The following SEM1 variants were observed in gnomAD, a reference collection of about 807,000 sequenced individuals.
SEM1 encodes the protein 26S proteasome complex subunit SEM1.
SEM1 carries 3 observed loss-of-function variants against 12.7 expected under a neutral mutation model. That is an observed-to-expected ratio of 0.24 (90% CI 0.11 to 0.61). SEM1 has a LOEUF of 0.61. Among genes scored for constraint, SEM1 ranks in the 20% least tolerant of loss-of-function variants. The pLI, the probability that SEM1 is intolerant of heterozygous loss-of-function variation, is 0.88. For missense variants in SEM1, 59 were observed against 81.3 expected (o/e 0.73, Z 1.06); for synonymous variants, 30 against 27.8 (o/e 1.08, Z -0.25).
At chr7:96,664,570 C>T (rs912658761) in intron 2 of SEM1, among the ~76,000 whole-genome samples, 1 of 152,212 alleles carries the variant, frequency 6.6e-6, no homozygotes, top group Non-Finnish European at 1.5e-5. Context: ...TCCAGGATAA[C>T]CTCCTTCTCT....
intron 2 of SEM1, among the ~76,000 whole-genome samples, chr7:96,536,221 C>T (rs1804782105): frequency 6.6e-6 from 1 of 151,772 alleles, no homozygotes; most frequent in African/African-American, 2.4e-5. Context: ...TTTCTAAATA[C>T]TTGGGGAATG....
chr7:96,499,123 T>C (rs1271144436), upstream of SEM1, among the ~76,000 whole-genome samples: 1 of 152,176 alleles, frequency 6.6e-6, no homozygotes, highest in Non-Finnish European at 1.5e-5. Flanking sequence ...ACTTAAATAA[T>C]GGGTTTATCC....
chr7:96,527,169 T>G (rs1804492316), intron 2 of SEM1, among the ~76,000 whole-genome samples: 1 of 151,696 alleles, frequency 6.6e-6, no homozygotes, highest in African/African-American at 2.4e-5. Context: ...AAACATGCAA[T>G]GAAGTGAAAT....
intron 2 of SEM1, among the ~76,000 whole-genome samples, chr7:96,587,653 GT>G (rs35341659): frequency 1.6e-4 from 21 of 134,294 alleles, no homozygotes; most frequent in East Asian, 6.2e-4. Flanking sequence ...AGACTTTCTT[GT>G]TTTTTTTTTT....
chr7:96,502,539 C>CCCA (rs1455020845), intron 3 of SEM1, among the ~76,000 whole-genome samples: 5 of 152,092 alleles, frequency 3.3e-5, no homozygotes. Context: ...GGTAATGACA[C>CCCA]CTATCTCACT....
intron 2 of SEM1, among the ~76,000 whole-genome samples, chr7:96,607,876 T>C (rs1445879993): frequency 6.6e-6 from 1 of 152,222 alleles, no homozygotes; most frequent in African/African-American, 2.4e-5. Flanking sequence ...TCCCTTTTTA[T>C]CCATTCAGCA....
intron 2 of SEM1, among the ~76,000 whole-genome samples, chr7:96,566,866 A>C (rs1805856832): frequency 6.6e-6 from 1 of 151,620 alleles, no homozygotes; most frequent in Non-Finnish European, 1.5e-5. Flanking sequence ...AGACTAGGCA[A>C]TTGTTCATGA....
chr7:96,624,198 A>G (rs1406647541), intron 2 of SEM1, among the ~76,000 whole-genome samples: 1 of 152,322 alleles, frequency 6.6e-6, no homozygotes, highest in East Asian at 1.9e-4. Flanking sequence ...ATATAAGAAG[A>G]TCTAAAATTT....
At chr7:96,564,798 A>G (rs954843332) in intron 2 of SEM1, among the ~76,000 whole-genome samples, 1 of 152,046 alleles carries the variant, frequency 6.6e-6, no homozygotes, top group Non-Finnish European at 1.5e-5. Context: ...TTAGGCGCTT[A>G]TATATGTTAT....
intron 2 of SEM1, among the ~76,000 whole-genome samples, chr7:96,546,852 A>T (rs1805117082): frequency 6.6e-6 from 1 of 152,098 alleles, no homozygotes; most frequent in Non-Finnish European, 1.5e-5. Flanking sequence ...ACATTTTCTC[A>T]GTGGTCATTA....
chr7:96,482,652 T>C (rs1802590914), exon 4 of SEM1: 1 of 152,168 alleles, frequency 6.6e-6, no homozygotes, highest in South Asian at 2.1e-4. Context: ...ACTAAATTCT[T>C]TAAACTTGGG....
At chr7:96,707,126 G>A (rs1476911448) in intron 1 of SEM1, among the ~76,000 whole-genome samples, 1 of 152,194 alleles carries the variant, frequency 6.6e-6, no homozygotes, top group Non-Finnish European at 1.5e-5. Flanking sequence ...CACTGATTAA[G>A]TAGGTCTAGG....
chr7:96,627,107 T>C (rs1386047918), intron 2 of SEM1, among the ~76,000 whole-genome samples: 3 of 152,122 alleles, frequency 2.0e-5, no homozygotes, highest in East Asian at 1.9e-4. Context: ...GTATCAGTTG[T>C]AATGTCTCCT....
intron 2 of SEM1, among the ~76,000 whole-genome samples, chr7:96,517,794 C>T (rs989016807): frequency 4.6e-5 from 7 of 152,018 alleles, no homozygotes; most frequent in East Asian, 1.9e-4. Context: ...GTTTAGTTAA[C>T]GTTTATTATG....
chr7:96,492,433 A>G (rs1803045138), intron 1 of SEM1, among the ~76,000 whole-genome samples: 1 of 152,170 alleles, frequency 6.6e-6, no homozygotes, highest in East Asian at 1.9e-4. Context: ...ATTTTGAGAC[A>G]GGGTCTCACT....
At chr7:96,488,450 A>G (rs972409087) in intron 1 of SEM1, among the ~76,000 whole-genome samples, 3 of 152,148 alleles carry the variant, frequency 2.0e-5, no homozygotes, top group Non-Finnish European at 4.4e-5. Flanking sequence ...GCTTGTGGAA[A>G]TGGTACCTTA....
chr7:96,708,872 A>G (rs1013864029), intron 1 of SEM1, among the ~76,000 whole-genome samples: 3 of 152,258 alleles, frequency 2.0e-5, no homozygotes, highest in African/African-American at 4.8e-5. Flanking sequence ...CCTGAAAACA[A>G]CAGCCACTCA....
intron 2 of SEM1, among the ~76,000 whole-genome samples, chr7:96,575,958 A>T (rs1405667782): frequency 6.6e-6 from 1 of 152,214 alleles, no homozygotes; most frequent in African/African-American, 2.4e-5. Flanking sequence ...TATTCTGTGT[A>T]TCCATTTATC....
At chr7:96,635,239 A>T (rs577065537) in intron 2 of SEM1, among the ~76,000 whole-genome samples, 1 of 152,230 alleles carries the variant, frequency 6.6e-6, no homozygotes, top group Admixed American at 6.5e-5. Context: ...AAAGACCAGG[A>T]TGGGGGTGGG....
Sources: allele counts gnomAD v4.1 joint callset (sites outside exome capture counted in the v4.1 genomes callset), GRCh38; gene constraint gnomAD v4.1.1; transcripts MANE v1.5; gene names NCBI Gene and HGNC (gene_info 2026-07-23, HGNC 2026-07-21).